Variants in SORT1 observed in about 807,000 individuals in gnomAD.
SORT1 encodes sortilin 1.
Under a neutral mutation model 101.7 loss-of-function variants are expected in SORT1, and 39 were observed. The observed-to-expected ratio is 0.38, with a 90% CI of 0.30 to 0.50. SORT1 has a LOEUF of 0.50. Among genes scored for constraint, SORT1 ranks in the 20% least tolerant of loss-of-function variants. The probability of loss-of-function intolerance (pLI) is 0.90; values close to 1 mark genes in which losing one functional copy is unlikely to be tolerated. For missense variants in SORT1, 878 were observed against 1,040.4 expected (o/e 0.84, Z 2.15); for synonymous variants, 396 against 393.7 (o/e 1.01, Z -0.07).
At chr1:109,315,748 CTTTT>C (rs553898685) in intron 17 of SORT1, among the ~76,000 whole-genome samples, 15 of 124,732 alleles carry the variant, frequency 1.2e-4, no homozygotes, top group South Asian at 8.2e-4. Context: ...GCCTCATAAC[CTTTT>C]TTTTTTTTTT....
chr1:109,317,023 T>A (rs879471452), intron 16 of SORT1, 65 bp from the exon 17 acceptor site: 3 of 1,056,818 alleles, frequency 2.8e-6, no homozygotes, highest in Non-Finnish European at 2.8e-6. Flanking sequence ...TGCCTATTTC[T>A]TGGAAACAAG....
chr1:109,316,406 T>C (rs1205072366), intron 17 of SORT1, among the ~76,000 whole-genome samples: 1 of 152,102 alleles, frequency 6.6e-6, no homozygotes, highest in Non-Finnish European at 1.5e-5. Flanking sequence ...TTAATTTTTG[T>C]ATTTTTAGCA....
chr1:109,373,969 G>T (rs567069019), intron 1 of SORT1, among the ~76,000 whole-genome samples: 1 of 152,172 alleles, frequency 6.6e-6, no homozygotes, highest in African/African-American at 2.4e-5. Context: ...CATGCTTGTA[G>T]CCCTCGCTAC....
intron 13 of SORT1, 142 bp from the exon 14 acceptor site, chr1:109,325,231 CTTT>C (rs35552184): frequency 0.024 from 4,528 of 188,916 alleles, no homozygotes; most frequent in Middle Eastern, 0.048. Context: ...ATTATTTTAA[CTTT>C]TTTTTTTTTT....
intron 11 of SORT1, among the ~76,000 whole-genome samples, chr1:109,334,750 G>GTA (rs567356945): frequency 1.4e-4 from 22 of 152,066 alleles, no homozygotes; most frequent in Admixed American, 5.9e-4. Flanking sequence ...ATTTCACAAT[G>GTA]TATATATATA....
chr1:109,373,219 A>C (rs186690761), intron 1 of SORT1, among the ~76,000 whole-genome samples: 14 of 152,314 alleles, frequency 9.2e-5, no homozygotes, highest in Admixed American at 9.2e-4. Context: ...AGAGAATTTC[A>C]GGCACAGTGC....
At chr1:109,369,011 GGAA>G (rs752350813) in intron 2 of SORT1, among the ~76,000 whole-genome samples, 4 of 152,188 alleles carry the variant, frequency 2.6e-5, no homozygotes, top group African/African-American at 7.2e-5. Flanking sequence ...TTCCCACCGT[GGAA>G]GAAGGTGGTC....
rs1570872854 is a variant in SORT1 at position 109,312,491 on chromosome 1, A to G, written c.*1552T>C. 7.1e-6 allele frequency: 1 copy of G among 140,124 alleles called. No individual in the cohort carries two copies. Among genetic ancestry groups the G allele is most frequent in the South Asian group, 2.4e-4 (1 of 4,126 alleles). The allele number at this position is 140,124 out of a possible 1,614,324, so 8.7% of individuals were successfully genotyped here. ...TTAGCCATCTGCTCACATTCTGACT[A>G]AAGTTAATTTGGCACTTCAAATAAA... On this transcript the variant is annotated 3_prime_UTR_variant, in exon 20 of 20. Transcript: ENST00000256637.
chr1:109,376,103 G>C (rs907643035), intron 1 of SORT1, among the ~76,000 whole-genome samples: 10 of 152,136 alleles, frequency 6.6e-5, no homozygotes, highest in African/African-American at 2.4e-4. Flanking sequence ...AGCACTTTGG[G>C]AGGCCGAGGC....
intron 11 of SORT1, among the ~76,000 whole-genome samples, chr1:109,334,117 G>C (rs1484526356): frequency 6.6e-6 from 1 of 152,088 alleles, no homozygotes; most frequent in Non-Finnish European, 1.5e-5. Context: ...TTGTACTCCA[G>C]CCTTGGTGAC....
intron 1 of SORT1, among the ~76,000 whole-genome samples, chr1:109,384,928 AT>A (rs1652479494): frequency 1.3e-5 from 2 of 152,264 alleles, no homozygotes; most frequent in African/African-American, 4.8e-5. Context: ...AAATGCAAAA[AT>A]TAGCCAGGTG....
Position 109,397,609 on chromosome 1 carries a change from T to A in SORT1, c.284A>T (p.Lys95Met), listed in dbSNP as rs1230620284. The change falls in exon 1 of 20, where the codon AAG becomes ATG. Residue 95 changes from lysine (K) to methionine (M), a missense_variant. Lys to Met is a moderately conservative substitution (Grantham distance 95, BLOSUM62 -1). This residue lies in a region of SORT1 where 194 missense variants were observed against 145.9 expected (regional missense o/e 1.33). Coordinates refer to ENST00000256637, the MANE Select transcript of SORT1 (RefSeq NM_002959.7). The part of the protein sequence containing the change: ...ECGRVRDFVA[K>M]LANNTHQHVF... The stretch of plus-strand genomic sequence containing the variant: ...CACCTGGTGCGTGTTGTTGGCCAGC[T>A]TGGCGACGAAGTCCCGGACCCGGCC... 34 of 1,282,030 alleles carry A rather than the reference T, an allele frequency of 2.7e-5. No homozygotes were observed. The highest frequency in any genetic ancestry group is 3.4e-5 in the Non-Finnish European group (34 of 1,001,550). The allele number at this position is 1,282,030 out of a possible 1,614,324, so 79.4% of individuals were successfully genotyped here.
rs1648120487 is a variant in SORT1, at chr1:109,326,972, T to C, written c.1643+20A>G. 2 of 1,592,918 alleles carry C rather than the reference T, an allele frequency of 1.3e-6. No homozygotes were observed. Among genetic ancestry groups the C allele is most frequent in the Non-Finnish European group, 1.7e-6 (2 of 1,166,344 alleles). On this transcript the variant is annotated intron_variant, in intron 13 of 19. Coordinates refer to ENST00000256637, the MANE Select transcript of SORT1 (RefSeq NM_002959.7). Reference sequence around the variant, plus strand: ...TTGCCCTCTATGCAGACAGTGTGTGTGAGATGAGTTCATGCATACTTAATC... The same window carrying C: ...TTGCCCTCTATGCAGACAGTGTGTGCGAGATGAGTTCATGCATACTTAATC...
chr1:109,365,578 T>A (rs1438358860), intron 3 of SORT1, among the ~76,000 whole-genome samples: 1 of 152,178 alleles, frequency 6.6e-6, no homozygotes, highest in Non-Finnish European at 1.5e-5. Context: ...GCACCAAGAT[T>A]CTAAAATATA....
intron 4 of SORT1, among the ~76,000 whole-genome samples, chr1:109,354,768 CTG>C (rs1333075048): frequency 1.3e-5 from 2 of 152,090 alleles, no homozygotes; most frequent in African/African-American, 4.8e-5. Context: ...ATTAGGCTAA[CTG>C]AGATTAGTTT....
At chr1:109,367,341 G>A in intron 3 of SORT1, 67 bp downstream of exon 3, 1 of 939,652 alleles carries the variant, frequency 1.1e-6, no homozygotes, top group South Asian at 1.5e-5. Flanking sequence ...ATCATGTCTA[G>A]AAAAGGGAGA....
At chr1:109,341,912 T>C in intron 9 of SORT1, 102 bp downstream of exon 9, 1 of 1,145,606 alleles carries the variant, frequency 8.7e-7, no homozygotes, top group Non-Finnish European at 1.3e-6. Flanking sequence ...AGGGCACTAA[T>C]AAATTTCTAG....
chr1:109,339,628 T>A (rs10858084), intron 10 of SORT1, among the ~76,000 whole-genome samples: 98,432 of 152,116 alleles, frequency 0.65, 33,724 homozygotes, highest in East Asian at 0.96. Flanking sequence ...ATTGGAATCC[T>A]TTTGTATTGC....
intron 6 of SORT1, among the ~76,000 whole-genome samples, chr1:109,349,398 A>C (rs1219577723): frequency 9.2e-5 from 14 of 152,178 alleles, no homozygotes; most frequent in Non-Finnish European, 2.1e-4. Context: ...TACAAATACA[A>C]TTCATTAGAA....
Sources: gnomAD v4.1 joint callset for allele counts (sites outside exome capture counted in the v4.1 genomes callset) on GRCh38, gnomAD v4.1.1 for gene constraint, gnomAD v4.1.1 regional missense constraint, MANE v1.5 for transcripts, NCBI Gene and HGNC (gene_info 2026-07-23, HGNC 2026-07-21) for gene names.